Variants in KCTD8 observed in about 807,000 individuals in gnomAD.
The protein encoded by KCTD8 is BTB/POZ domain-containing protein KCTD8.
KCTD8 carries 27 observed loss-of-function variants against 31.5 expected under a neutral mutation model. The observed-to-expected ratio is 0.86, with a 90% CI of 0.63 to 1.18. KCTD8 has a LOEUF of 1.18. KCTD8 is among the 50% of genes most tolerant of loss of function. KCTD8 has a pLI of 0.00. For missense variants in KCTD8, 658 were observed against 647.7 expected (o/e 1.02, Z -0.17); for synonymous variants, 290 against 280.0 (o/e 1.04, Z -0.36).
rs183830022 is a variant in KCTD8, at chr4:44,317,014, A to C, written c.961+130549T>G. 6.4e-4 allele frequency among the ~76,000 whole-genome samples: 97 copies of C among 150,600 alleles called. 2 individuals are homozygous for C. The Middle Eastern group carries it at 0.014, about 22-fold the overall frequency. On this transcript the variant is annotated intron_variant, in intron 1 of 1. Transcript: ENST00000360029. ...CAACAAATAAAATAATAATAAAAAA[A>C]AAACAAACAGGAAACCAGACTCCTA...
chr4:44,392,995 G>A (rs755812354), intron 1 of KCTD8, among the ~76,000 whole-genome samples: 7 of 152,000 alleles, frequency 4.6e-5, no homozygotes, highest in Non-Finnish European at 1.0e-4. Flanking sequence ...TACAAAGCAA[G>A]AATAGTCATC....
intron 1 of KCTD8, among the ~76,000 whole-genome samples, chr4:44,257,242 T>C (rs1329260277): frequency 6.6e-6 from 1 of 152,022 alleles, no homozygotes; most frequent in Non-Finnish European, 1.5e-5. Context: ...GGTTAAAATA[T>C]AAATTTAAAA....
chr4:44,203,333 T>A (rs1577828489), intron 1 of KCTD8, among the ~76,000 whole-genome samples: 1 of 151,716 alleles, frequency 6.6e-6, no homozygotes, highest in South Asian at 2.1e-4. Flanking sequence ...TGAAATTCCA[T>A]CTCTACTAAA....
chr4:44,292,715 G>A (rs985987808), intron 1 of KCTD8, among the ~76,000 whole-genome samples: 1 of 151,800 alleles, frequency 6.6e-6, no homozygotes, highest in Admixed American at 6.6e-5. Flanking sequence ...GGTATGTTGA[G>A]GGAAAAAAGT....
intron 1 of KCTD8, among the ~76,000 whole-genome samples, chr4:44,426,733 C>T (rs991168068): frequency 6.6e-6 from 1 of 151,752 alleles, no homozygotes; most frequent in Admixed American, 6.6e-5. Flanking sequence ...AATTCCCTAG[C>T]CGTATTGATT....
At chr4:44,339,750 C>T (rs996406978) in intron 1 of KCTD8, among the ~76,000 whole-genome samples, 3 of 152,008 alleles carry the variant, frequency 2.0e-5, no homozygotes, top group Admixed American at 2.0e-4. Context: ...CCAAGGTAGA[C>T]CAATACTTTG....
At chr4:44,304,253 C>A (rs1377170155) in intron 1 of KCTD8, among the ~76,000 whole-genome samples, 1 of 152,000 alleles carries the variant, frequency 6.6e-6, no homozygotes, top group East Asian at 1.9e-4. Context: ...ACACGAATCC[C>A]TCTAGGTGAC....
intron 1 of KCTD8, among the ~76,000 whole-genome samples, chr4:44,389,650 A>G (rs921205695): frequency 4.0e-5 from 6 of 151,816 alleles, no homozygotes; most frequent in Non-Finnish European, 7.4e-5. Flanking sequence ...CAAGATGTAA[A>G]GAGTTCTGGA....
intron 1 of KCTD8, among the ~76,000 whole-genome samples, chr4:44,190,513 TA>T (rs1000611565): frequency 6.6e-6 from 1 of 152,194 alleles, no homozygotes; most frequent in African/African-American, 2.4e-5. Context: ...ATCGCCAGGC[TA>T]AAGTACTATA....
chr4:44,395,532 T>C (rs559927253), intron 1 of KCTD8, among the ~76,000 whole-genome samples: 1 of 152,202 alleles, frequency 6.6e-6, no homozygotes, highest in East Asian at 1.9e-4. Context: ...TAAAAATGGA[T>C]GGCACAGTTC....
At chr4:44,411,682 G>C (rs979115053) in intron 1 of KCTD8, among the ~76,000 whole-genome samples, 1 of 151,990 alleles carries the variant, frequency 6.6e-6, no homozygotes, top group South Asian at 2.1e-4. Context: ...AATCATACTG[G>C]AGTAGGGTGG....
intron 1 of KCTD8, among the ~76,000 whole-genome samples, chr4:44,388,015 C>CA (rs200165225): frequency 0.31 from 41,644 of 135,382 alleles, 6,033 homozygotes; most frequent in East Asian, 0.39. Flanking sequence ...AACAAATTTA[C>CA]AAAAAAAAAA....
intron 1 of KCTD8, among the ~76,000 whole-genome samples, chr4:44,319,498 G>A (rs1718232196): frequency 6.6e-6 from 1 of 151,664 alleles, no homozygotes; most frequent in Non-Finnish European, 1.5e-5. Flanking sequence ...CAAAAATACG[G>A]AGTGAGAGAA....
At chr4:44,320,282 C>T (rs1175336193) in intron 1 of KCTD8, among the ~76,000 whole-genome samples, 1 of 148,432 alleles carries the variant, frequency 6.7e-6, no homozygotes, top group Non-Finnish European at 1.5e-5. Flanking sequence ...CCTACACTAT[C>T]TATGTACCTT....
intron 1 of KCTD8, among the ~76,000 whole-genome samples, chr4:44,425,930 G>T (rs1339032931): frequency 6.6e-6 from 1 of 151,672 alleles, no homozygotes; most frequent in African/African-American, 2.4e-5. Context: ...CATACCATTT[G>T]CCAGACAGAA....
intron 1 of KCTD8, among the ~76,000 whole-genome samples, chr4:44,260,052 A>T (rs946761834): frequency 5.3e-5 from 8 of 151,924 alleles, no homozygotes; most frequent in Non-Finnish European, 1.0e-4. Flanking sequence ...AATGAAAACA[A>T]TGAATTGTAT....
intron 1 of KCTD8, among the ~76,000 whole-genome samples, chr4:44,284,184 CAAG>C (rs1716989250): frequency 6.6e-6 from 1 of 152,080 alleles, no homozygotes; most frequent in African/African-American, 2.4e-5. Context: ...CAATCCTGGG[CAAG>C]AAGAACAAAG....
chr4:44,243,007 T>C (rs1249611027), intron 1 of KCTD8, among the ~76,000 whole-genome samples: 1 of 152,162 alleles, frequency 6.6e-6, no homozygotes, highest in Non-Finnish European at 1.5e-5. Context: ...CAGCCTCAGG[T>C]ATTTATAGCA....
intron 1 of KCTD8, among the ~76,000 whole-genome samples, chr4:44,241,688 C>T (rs1715460879): frequency 6.6e-6 from 1 of 152,140 alleles, no homozygotes; most frequent in Non-Finnish European, 1.5e-5. Flanking sequence ...ATTCTCAGTT[C>T]AATGAAGTAG....
Sources: allele counts gnomAD v4.1 joint callset (sites outside exome capture counted in the v4.1 genomes callset), GRCh38; gene constraint gnomAD v4.1.1; transcripts MANE v1.5; gene names NCBI Gene and HGNC (gene_info 2026-07-23, HGNC 2026-07-21).